The following CCDC69 variants were observed in gnomAD, a reference collection of about 807,000 sequenced individuals.
The protein encoded by CCDC69 is coiled-coil domain containing 69, also known as coiled-coil domain-containing protein 69.
In CCDC69, 38 loss-of-function variants were observed where a neutral mutation model predicts 40.3. The observed-to-expected ratio is 0.94, with a 90% CI of 0.73 to 1.24. The LOEUF (loss-of-function observed/expected upper bound fraction) is 1.24, where lower values mean the gene tolerates loss of function less well. Ranked by LOEUF, CCDC69 falls within the 50% of genes most tolerant of loss-of-function variation. The pLI is 0.00. For synonymous variants in CCDC69, 141 were observed against 138.9 expected, an observed-to-expected ratio of 1.02 and a Z score of -0.11; for missense variants, 389 against 357.9, an observed-to-expected ratio of 1.09 and a Z score of -0.70.
intron 1 of CCDC69, among the ~76,000 whole-genome samples, chr5:151,211,411 T>C (rs966094093): frequency 6.6e-6 from 1 of 152,164 alleles, no homozygotes; most frequent in African/African-American, 2.4e-5. Context: ...TTCTTAGGAA[T>C]GTGGTCTATG....
rs1752779857 is a variant in CCDC69 at position 151,201,759 on chromosome 5, A to G, written c.125-71T>C. 8.0e-6 allele frequency: 8 copies of G among 998,450 alleles called. No homozygotes were observed. The East Asian group carries it at 2.0e-4, about 25-fold the overall frequency. The allele number at this position is 998,450 out of a possible 1,614,324, so 61.8% of individuals were successfully genotyped here. ...GTGGAAGTACAGTCAGAGCTGGCAG[A>G]GAGAGTGTGGGAAATGGGGCTAAGG... On this transcript the variant is annotated intron_variant, in intron 2 of 8. Coordinates refer to ENST00000355417, the MANE Select transcript of CCDC69 (RefSeq NM_015621.3).
Position 151,184,420 on chromosome 5 carries a change from C to T in CCDC69, c.637G>A (p.Glu213Lys), listed in dbSNP as rs771086853. Residue 213 changes from glutamate (E) to lysine (K), a missense_variant, in exon 8 of 9, where the codon GAG becomes AAG. Physicochemically the swap from Glu to Lys is moderately conservative, Grantham distance 56. Transcript: ENST00000355417. ...ETVKEKNLILEEKITTLQQEN... is the reference protein window; with the variant it reads ...ETVKEKNLILKEKITTLQQEN... ...TGTTGCAGGGTCGTAATTTTTTCCT[C>T]CAATATCAGATTTTTCTCTTTCTAT... 3 of 1,613,594 alleles carry T rather than the reference C, an allele frequency of 1.9e-6. No individual in the cohort carries two copies. Among genetic ancestry groups the T allele is most frequent in the South Asian group, 2.2e-5 (2 of 91,080 alleles).
chr5:151,205,530 A>G (rs930352419), intron 1 of CCDC69, 55 bp from the exon 2 acceptor site: 10 of 1,443,802 alleles, frequency 6.9e-6, no homozygotes, highest in African/African-American at 1.4e-5. Flanking sequence ...GGTCAATGCG[A>G]GGACGGGCTG....
intron 2 of CCDC69, among the ~76,000 whole-genome samples, chr5:151,202,488 G>A (rs62379736): frequency 0.073 from 11,181 of 152,304 alleles, 582 homozygotes; most frequent in East Asian, 0.17. Context: ...ATGCCTTCAT[G>A]TCAACCAGGG....
chr5:151,194,371 A>G (rs1249276686), intron 4 of CCDC69, among the ~76,000 whole-genome samples: 1 of 152,264 alleles, frequency 6.6e-6, no homozygotes, highest in Non-Finnish European at 1.5e-5. Context: ...AACAATTGGA[A>G]TGAATGTCAA....
chr5:151,222,489 A>C (rs1753148616), intron 1 of CCDC69, among the ~76,000 whole-genome samples: 1 of 152,246 alleles, frequency 6.6e-6, no homozygotes, highest in African/African-American at 2.4e-5. Context: ...ACAGGTGCAG[A>C]GAACACAGAC....
At chr5:151,186,737 T>C (rs1402653405) in intron 5 of CCDC69, among the ~76,000 whole-genome samples, 1 of 152,062 alleles carries the variant, frequency 6.6e-6, no homozygotes, top group Non-Finnish European at 1.5e-5. Flanking sequence ...TGCCAAGAAC[T>C]TTCTCTACTT....
chr5:151,214,293 T>C (rs1753001296), intron 1 of CCDC69, among the ~76,000 whole-genome samples: 1 of 152,208 alleles, frequency 6.6e-6, no homozygotes, highest in South Asian at 2.1e-4. Flanking sequence ...AGTCAGAGCC[T>C]ATTGGCCGAG....
chr5:151,219,192 C>T (rs1355270764), intron 1 of CCDC69, among the ~76,000 whole-genome samples: 1 of 152,168 alleles, frequency 6.6e-6, no homozygotes, highest in Non-Finnish European at 1.5e-5. Flanking sequence ...AACTGTCCTG[C>T]CCTTACCAAC....
intron 1 of CCDC69, among the ~76,000 whole-genome samples, chr5:151,222,824 G>A (rs926379445): frequency 1.3e-5 from 2 of 152,180 alleles, no homozygotes; most frequent in Admixed American, 1.3e-4. Flanking sequence ...TAAAGGGAGA[G>A]CAAGGAAAGC....
chr5:151,195,670 G>T (rs1216877875), intron 4 of CCDC69, among the ~76,000 whole-genome samples: 1 of 124,718 alleles, frequency 8.0e-6, no homozygotes, highest in East Asian at 2.6e-4. Context: ...AGTGAACCGA[G>T]ATCATGCCAC....
At chr5:151,207,589 C>A (rs1319386026) in intron 1 of CCDC69, among the ~76,000 whole-genome samples, 1 of 152,080 alleles carries the variant, frequency 6.6e-6, no homozygotes, top group Non-Finnish European at 1.5e-5. Flanking sequence ...CTGTACCCGG[C>A]CTAACTATTT....
At chr5:151,205,779 C>T (rs917417591) in intron 1 of CCDC69, among the ~76,000 whole-genome samples, 1 of 152,274 alleles carries the variant, frequency 6.6e-6, no homozygotes, top group East Asian at 1.9e-4. Flanking sequence ...GCCTCTCAGA[C>T]CACCTCTTTC....
intron 4 of CCDC69, among the ~76,000 whole-genome samples, chr5:151,190,220 T>C (rs1752586531): frequency 6.6e-6 from 1 of 152,216 alleles, no homozygotes; most frequent in Non-Finnish European, 1.5e-5. Flanking sequence ...CTTTAAAATA[T>C]GATTGATGAT....
At chr5:151,187,741 C>A (rs897286431) in intron 4 of CCDC69, among the ~76,000 whole-genome samples, 2 of 152,176 alleles carry the variant, frequency 1.3e-5, no homozygotes, top group Non-Finnish European at 2.9e-5. Flanking sequence ...AAGCTAAGAT[C>A]CAAAGATCTT....
chr5:151,201,186 T>A (rs1459898790), intron 3 of CCDC69, among the ~76,000 whole-genome samples: 1 of 152,180 alleles, frequency 6.6e-6, no homozygotes, highest in African/African-American at 2.4e-5. Context: ...AGAAAGACCT[T>A]GAGGGTCTTG....
chr5:151,216,419 T>G (rs937892036), intron 1 of CCDC69, among the ~76,000 whole-genome samples: 1 of 147,316 alleles, frequency 6.8e-6, no homozygotes, highest in African/African-American at 2.5e-5. Context: ...TTTTTTTTTT[T>G]TTTTTTTTTT....
chr5:151,223,790 C>T, intron 1 of CCDC69, 133 bp downstream of exon 1: 1 of 821,124 alleles, frequency 1.2e-6, no homozygotes. Context: ...CGTCTCTGAG[C>T]TGGCCTCTCC....
chr5:151,191,797 A>C (rs1752615360), intron 4 of CCDC69, among the ~76,000 whole-genome samples: 1 of 152,162 alleles, frequency 6.6e-6, no homozygotes, highest in South Asian at 2.1e-4. Context: ...AGAAATCAGG[A>C]AAAGGTATCA....
Sources: allele counts gnomAD v4.1 joint callset (sites outside exome capture counted in the v4.1 genomes callset), GRCh38; gene constraint gnomAD v4.1.1; transcripts MANE v1.5; gene names NCBI Gene and HGNC (gene_info 2026-07-23, HGNC 2026-07-21).